SLC29A3: variants seen among roughly 807,000 people sequenced by gnomAD.
The protein encoded by SLC29A3 is equilibrative nucleoside transporter 3.
SLC29A3 carries 18 observed loss-of-function variants against 25.4 expected under a neutral mutation model. The ratio of observed to expected loss-of-function variants is 0.71; its 90% confidence interval spans 0.49 to 1.05. The LOEUF is 1.05. SLC29A3 is among the 50% of genes least tolerant of loss of function. The pLI is 0.00. For synonymous variants in SLC29A3, 258 were observed against 267.1 expected (o/e 0.97, Z 0.33); for missense variants, 586 against 609.0 (o/e 0.96, Z 0.40).
chr10:71,380,693 A>G (rs993719485), exon 5 of SLC29A3: 1 of 152,166 alleles, frequency 6.6e-6, no homozygotes, highest in African/African-American at 2.4e-5. Flanking sequence ...GAGGAAGGAG[A>G]CAGAAAGGGT....
At chr10:71,380,856 CTAAT>C (rs1847297455) in exon 5 of SLC29A3, 1 of 151,570 alleles carries the variant, frequency 6.6e-6, no homozygotes. Flanking sequence ...ATTATAAGTG[CTAAT>C]TATTTATCAA....
chr10:71,328,840 G>C (rs1414014230), intron 2 of SLC29A3, among the ~76,000 whole-genome samples: 1 of 152,158 alleles, frequency 6.6e-6, no homozygotes, highest in Non-Finnish European at 1.5e-5. Context: ...TTCAGCAAGT[G>C]GGGGACCTAG....
At chr10:71,353,791 C>T (rs571891016) in intron 4 of SLC29A3, among the ~76,000 whole-genome samples, 2 of 152,242 alleles carry the variant, frequency 1.3e-5, no homozygotes, top group Admixed American at 6.5e-5. Flanking sequence ...ATTTGTTTTG[C>T]GCTGGTGTTT....
intron 3 of SLC29A3, among the ~76,000 whole-genome samples, chr10:71,370,212 G>A (rs990307771): frequency 1.3e-5 from 2 of 152,238 alleles, no homozygotes; most frequent in African/African-American, 4.8e-5. Flanking sequence ...GGTGCCACAT[G>A]CCTCAAGCCT....
At position 71,356,177 on chromosome 10, in the gene SLC29A3, C is replaced by T. The variant is rs147552838; in HGVS notation, c.707C>T (p.Thr236Met). 3.1e-4 allele frequency: 499 copies of T among 1,614,126 alleles called. No homozygotes were observed. Among genetic ancestry groups the T allele is most frequent in the South Asian group, 1.0e-3 (92 of 91,082 alleles). The change falls in exon 5 of 6, where the codon ACG (threonine) becomes ATG (methionine). Residue 236 changes from threonine to methionine, a missense_variant. Coordinates refer to ENST00000373189, the MANE Select transcript of SLC29A3 (RefSeq NM_018344.6). The part of the protein sequence containing the change: ...VRNSALAFFL[T>M]ATVFLVLCMG... The stretch of plus-strand genomic sequence containing the variant: ...AACAGCGCCCTGGCCTTCTTCCTGA[C>T]GGCCACTGTCTTCCTCGTGCTCTGC...
intron 2 of SLC29A3, among the ~76,000 whole-genome samples, chr10:71,342,984 T>A (rs1333942163): frequency 6.6e-6 from 1 of 152,178 alleles, no homozygotes; most frequent in East Asian, 1.9e-4. Context: ...CATCTTTCTT[T>A]CTGTTATTTT....
At chr10:71,360,461 T>C (rs987619407) in intron 5 of SLC29A3, among the ~76,000 whole-genome samples, 3 of 152,150 alleles carry the variant, frequency 2.0e-5, no homozygotes, top group African/African-American at 7.2e-5. Context: ...AGACACATGA[T>C]AAACAAGTAA....
chr10:71,329,060 C>T (rs545680137), intron 2 of SLC29A3, among the ~76,000 whole-genome samples: 1 of 152,298 alleles, frequency 6.6e-6, no homozygotes, highest in African/African-American at 2.4e-5. Context: ...TGCCATGCAG[C>T]CTGTACCCAC....
chr10:71,331,438 C>T (rs902712697), intron 2 of SLC29A3, among the ~76,000 whole-genome samples: 1 of 152,072 alleles, frequency 6.6e-6, no homozygotes, highest in Non-Finnish European at 1.5e-5. Flanking sequence ...ATACGAGAGA[C>T]ATAGCAGGCA....
rs56681748 is a variant in SLC29A3 at position 71,360,575 on chromosome 10, A to T, written c.774-1379A>T. 7.4e-3 allele frequency among the ~76,000 whole-genome samples: 1,122 copies of T among 152,354 alleles called. 11 individuals are homozygous for T. The highest frequency in any genetic ancestry group is 0.025 in the African/African-American group (1,054 of 41,572). On this transcript the variant is annotated intron_variant, in intron 5 of 5. Transcript: ENST00000373189. ...AAGTTACTTCAGTTAGGGTGGGTAA[A>T]TGGTGCTGGGCAGAGTTAAACTGGT...
intron 4 of SLC29A3, among the ~76,000 whole-genome samples, chr10:71,379,517 G>T (rs557845629): frequency 2.1e-4 from 32 of 152,208 alleles, no homozygotes; most frequent in Non-Finnish European, 3.7e-4. Flanking sequence ...TGAATCAGTT[G>T]TTTTTCTATC....
intron 2 of SLC29A3, among the ~76,000 whole-genome samples, chr10:71,341,592 T>C (rs1172693001): frequency 1.3e-5 from 2 of 152,172 alleles, no homozygotes; most frequent in East Asian, 3.8e-4. Flanking sequence ...AAAACCCTGA[T>C]TAGTAGGAAC....
chr10:71,335,158 C>G (rs972303029), intron 2 of SLC29A3, among the ~76,000 whole-genome samples: 1 of 152,148 alleles, frequency 6.6e-6, no homozygotes, highest in Non-Finnish European at 1.5e-5. Flanking sequence ...CATCTGCTCC[C>G]TCCACCCATT....
chr10:71,356,636 G>T (rs767405379), intron 5 of SLC29A3, among the ~76,000 whole-genome samples: 1 of 152,064 alleles, frequency 6.6e-6, no homozygotes, highest in South Asian at 2.1e-4. Context: ...GACCCATTCT[G>T]GGCAACACAG....
At chr10:71,376,762 T>TTTTTG (rs752491455) in intron 4 of SLC29A3, among the ~76,000 whole-genome samples, 4 of 152,146 alleles carry the variant, frequency 2.6e-5, no homozygotes, top group South Asian at 2.1e-4. Flanking sequence ...TTTCTGTGTT[T>TTTTTG]TTTTGTTTTG....
intron 2 of SLC29A3, among the ~76,000 whole-genome samples, chr10:71,329,467 A>AG (rs1564527574): frequency 6.6e-6 from 1 of 151,886 alleles, no homozygotes; most frequent in African/African-American, 2.4e-5. Context: ...CAAAAAAAAA[A>AG]AAAAAAGAAA....
chr10:71,319,303 C>A lies in SLC29A3; in HGVS notation c.-7C>A. Reference sequence around the variant, plus strand: ...CGGAGGCAGCGGCGGCGTGGCGCAGCGGCGACAGTAAGTGCGGGCCGGCTC... The same window carrying A: ...CGGAGGCAGCGGCGGCGTGGCGCAGAGGCGACAGTAAGTGCGGGCCGGCTC... On this transcript the variant is annotated 5_prime_UTR_variant, in exon 1 of 6. Coordinates refer to ENST00000373189, the MANE Select transcript of SLC29A3 (RefSeq NM_018344.6). 1.6e-6 allele frequency: 1 copy of A among 644,640 alleles called. No homozygotes were observed. The highest frequency in any genetic ancestry group is 3.3e-5 in the East Asian group (1 of 30,400). The allele number at this position is 644,640 out of a possible 1,614,324, so 39.9% of individuals were successfully genotyped here. A position where few individuals can be genotyped will look rare whatever the true frequency, so the allele number is the denominator to read the frequency against.
chr10:71,334,548 C>T (rs1846195932), intron 2 of SLC29A3, among the ~76,000 whole-genome samples: 1 of 152,216 alleles, frequency 6.6e-6, no homozygotes, highest in Non-Finnish European at 1.5e-5. Flanking sequence ...TGGGCAGTTC[C>T]ATAAAGGCAG....
chr10:71,326,765 C>A (rs566508387), intron 2 of SLC29A3, among the ~76,000 whole-genome samples: 1 of 152,358 alleles, frequency 6.6e-6, no homozygotes, highest in African/African-American at 2.4e-5. Context: ...TGCTACGATG[C>A]TTTATGGCCT....
Sources: gnomAD v4.1 joint callset for allele counts (sites outside exome capture counted in the v4.1 genomes callset) on GRCh38, gnomAD v4.1.1 for gene constraint, MANE v1.5 for transcripts, NCBI Gene and HGNC (gene_info 2026-07-23, HGNC 2026-07-21) for gene names.